The following SMURF1 variants were observed in gnomAD, a reference collection of about 807,000 sequenced individuals.
SMURF1 encodes E3 ubiquitin-protein ligase SMURF1.
Under a neutral mutation model 98.0 loss-of-function variants are expected in SMURF1, and 44 were observed. That is an observed-to-expected ratio of 0.45 (90% CI 0.35 to 0.58). The LOEUF (loss-of-function observed/expected upper bound fraction) is 0.58, where lower values mean the gene tolerates loss of function less well. Among genes scored for constraint, SMURF1 ranks in the 20% least tolerant of loss-of-function variants. The probability of loss-of-function intolerance (pLI) is 0.00; values close to 1 mark genes in which losing one functional copy is unlikely to be tolerated. For synonymous variants in SMURF1, 396 were observed against 374.9 expected, an observed-to-expected ratio of 1.06 and a Z score of -0.65; for missense variants, 687 against 938.4, an observed-to-expected ratio of 0.73 and a Z score of 3.50.
At chr7:99,038,308 C>A in intron 14 of SMURF1, 80 bp downstream of exon 14, 2 of 1,532,554 alleles carry the variant, frequency 1.3e-6, no homozygotes. Flanking sequence ...GCAGGCCTCA[C>A]ACAGCGAAGG....
chr7:99,072,360 A>G (rs1321003566), intron 1 of SMURF1, among the ~76,000 whole-genome samples: 1 of 152,188 alleles, frequency 6.6e-6, no homozygotes, highest in Non-Finnish European at 1.5e-5. Context: ...AGATCAACAG[A>G]AAATCCAAAG....
chr7:99,138,674 A>T (rs1798049012), intron 1 of SMURF1, among the ~76,000 whole-genome samples: 1 of 152,224 alleles, frequency 6.6e-6, no homozygotes, highest in African/African-American at 2.4e-5. Context: ...GAAATAAAGC[A>T]TATGAAAGAT....
In SMURF1 at chr7:99,054,804, C is replaced by T. The variant is rs1238051127; in HGVS notation, c.465G>A (p.Leu155=). 1.2e-6 allele frequency: 2 copies of T among 1,614,030 alleles called. No individual in the cohort carries two copies. Among genetic ancestry groups the T allele is most frequent in the South Asian group, 1.1e-5 (1 of 91,066 alleles). ...TGGSVVDCRG[L]LENEGTVYED... ...GTTATACGTACCCTTCATTTTCTAA[C>T]AGTCCTCTGCAGTCCACCACCGAGC... The change falls in exon 6 of 18, where the codon CTG becomes CTA. Residue 155 remains leucine, a synonymous_variant. Transcript: ENST00000361368.
At chr7:99,064,063 C>T (rs141056879) in intron 1 of SMURF1, among the ~76,000 whole-genome samples, 3 of 152,106 alleles carry the variant, frequency 2.0e-5, no homozygotes, top group Admixed American at 6.6e-5. Context: ...TGATACGGTG[C>T]GTGACATTAA....
chr7:99,071,090 T>A (rs1796305691), intron 1 of SMURF1, among the ~76,000 whole-genome samples: 1 of 151,424 alleles, frequency 6.6e-6, no homozygotes, highest in East Asian at 1.9e-4. Flanking sequence ...GATGGAGTCT[T>A]GCTCTGTTGC....
At chr7:99,037,937 C>G (rs1016329298) in intron 14 of SMURF1, among the ~76,000 whole-genome samples, 1 of 152,204 alleles carries the variant, frequency 6.6e-6, no homozygotes, top group Non-Finnish European at 1.5e-5. Context: ...CAGCACAGGA[C>G]AGCGTGGCAC....
chr7:99,061,050 G>C (rs1796023869), intron 2 of SMURF1, among the ~76,000 whole-genome samples: 1 of 152,160 alleles, frequency 6.6e-6, no homozygotes, highest in African/African-American at 2.4e-5. Context: ...ATCTATGGAA[G>C]CAAGTATTCA....
At chr7:99,109,566 T>C (rs1464849969) in intron 1 of SMURF1, among the ~76,000 whole-genome samples, 1 of 152,162 alleles carries the variant, frequency 6.6e-6, no homozygotes, top group African/African-American at 2.4e-5. Context: ...CCATCTCTTA[T>C]TTTTCCCCAG....
At chr7:99,125,868 C>T (rs1011071540) in intron 1 of SMURF1, among the ~76,000 whole-genome samples, 24 of 152,352 alleles carry the variant, frequency 1.6e-4, no homozygotes, top group Middle Eastern at 3.4e-3. Flanking sequence ...CGACAACTCA[C>T]GACTTCTACA....
At chr7:99,142,210 A>G (rs1358851619) in intron 1 of SMURF1, among the ~76,000 whole-genome samples, 1 of 152,216 alleles carries the variant, frequency 6.6e-6, no homozygotes, top group East Asian at 1.9e-4. Flanking sequence ...GCCACCCAGG[A>G]AACACGGACT....
At chr7:99,033,147 G>A (rs765595526) in intron 16 of SMURF1, 26 bp from the exon 17 acceptor site, 1 of 1,554,222 alleles carries the variant, frequency 6.4e-7, no homozygotes, top group Admixed American at 1.9e-5. Flanking sequence ...TCTAGTTAAT[G>A]TACTTCAGAG....
At chr7:99,131,214 A>G (rs1454633076) in intron 1 of SMURF1, among the ~76,000 whole-genome samples, 1 of 152,156 alleles carries the variant, frequency 6.6e-6, no homozygotes, top group Non-Finnish European at 1.5e-5. Flanking sequence ...CTTACATCTG[A>G]AGGTATCCTG....
chr7:99,045,836 CATTCTT>C, intron 10 of SMURF1, 35 bp from the exon 11 acceptor site: 2 of 1,492,938 alleles, frequency 1.3e-6, no homozygotes, highest in South Asian at 2.3e-5. Context: ...GAGAGAAGAA[CATTCTT>C]ATTCTTAAAG....
At chr7:99,038,343 C>T (rs1014931986) in intron 14 of SMURF1, 45 bp downstream of exon 14, 3 of 1,603,412 alleles carry the variant, frequency 1.9e-6, no homozygotes, top group Admixed American at 3.4e-5. Context: ...AATGCAGGCT[C>T]AGCCGCGCCC....
intron 1 of SMURF1, chr7:99,081,075 C>G (rs999521573): frequency 3.9e-5 from 6 of 152,280 alleles, no homozygotes; most frequent in African/African-American, 1.4e-4. Context: ...TCATAGTTAC[C>G]TGGGGCAGGG....
At chr7:99,137,181 G>C (rs186493939) in intron 1 of SMURF1, among the ~76,000 whole-genome samples, 8 of 151,966 alleles carry the variant, frequency 5.3e-5, no homozygotes, top group African/African-American at 1.7e-4. Flanking sequence ...TATTTACCTG[G>C]CTATTTAGGA....
chr7:99,060,716 G>A lies in SMURF1; in HGVS notation c.95-9C>T. ...AAAAGGGTCAGGGAGCCCTAGAGGA[G>A]AGAGGAGACCCACACCTAGATGAGA... is the stretch of plus-strand genomic sequence containing the variant. On this transcript the variant is annotated splice_polypyrimidine_tract_variant and intron_variant, in intron 2 of 17. Transcript: ENST00000361368. 6.2e-7 allele frequency: 1 copy of A among 1,603,092 alleles called. No individual in the cohort carries two copies. The highest frequency in any genetic ancestry group is 1.1e-5 in the South Asian group (1 of 90,544).
intron 1 of SMURF1, among the ~76,000 whole-genome samples, chr7:99,082,551 G>A (rs1045001488): frequency 2.6e-5 from 4 of 152,138 alleles, no homozygotes; most frequent in African/African-American, 4.8e-5. Flanking sequence ...TCTGGATTCC[G>A]AAGTCTATTC....
intron 13 of SMURF1, among the ~76,000 whole-genome samples, chr7:99,039,580 T>G (rs976079917): frequency 6.6e-6 from 1 of 152,106 alleles, no homozygotes; most frequent in African/African-American, 2.4e-5. Context: ...AACTCCAACC[T>G]TTGACCTCAA....
Sources: allele counts gnomAD v4.1 joint callset (sites outside exome capture counted in the v4.1 genomes callset), GRCh38; gene constraint gnomAD v4.1.1; transcripts MANE v1.5; gene names NCBI Gene and HGNC (gene_info 2026-07-23, HGNC 2026-07-21).